Variants in APC observed in about 807,000 individuals in gnomAD.
APC encodes the protein APC regulator of Wnt signaling pathway, also known as adenomatous polyposis coli protein.
Under a neutral mutation model 247.0 loss-of-function variants are expected in APC, and 72 were observed. The observed-to-expected ratio is 0.29, with a 90% CI of 0.24 to 0.35. The LOEUF is 0.35. Ranked by LOEUF, APC falls within the 10% of genes least tolerant of loss-of-function variation. APC has a pLI of 1.00. For synonymous variants in APC, 1,254 were observed against 1,162.5 expected, an observed-to-expected ratio of 1.08 and a Z score of -1.60; for missense variants, 3,400 against 3,360.7, an observed-to-expected ratio of 1.01 and a Z score of -0.29.
At chr5:112,829,108 CT>C in intron 14 of APC, 136 bp downstream of exon 14, 5 of 665,054 alleles carry the variant, frequency 7.5e-6, no homozygotes, top group East Asian at 2.9e-5. Context: ...TCATGTTTAG[CT>C]TTTTTTGCTG....
At chr5:112,809,912 G>C (rs566490525) in intron 8 of APC, among the ~76,000 whole-genome samples, 18 of 152,028 alleles carry the variant, frequency 1.2e-4, no homozygotes, top group Non-Finnish European at 2.4e-4. Context: ...CAGGAGAATC[G>C]CTTGAACCCA....
intron 1 of APC, chr5:112,738,522 G>A: frequency 6.1e-6 from 6 of 983,920 alleles, no homozygotes; most frequent in Non-Finnish European, 7.2e-6. Context: ...TAGTGTGCCT[G>A]CTTTTGTAAA....
chr5:112,770,188 A>G (rs570229559), intron 4 of APC, among the ~76,000 whole-genome samples: 1 of 152,338 alleles, frequency 6.6e-6, no homozygotes, highest in African/African-American at 2.4e-5. Flanking sequence ...GTAAGTGGTA[A>G]GGAATACTTG....
At chr5:112,776,285 G>A (rs1427547925) in intron 5 of APC, among the ~76,000 whole-genome samples, 1 of 152,152 alleles carries the variant, frequency 6.6e-6, no homozygotes, top group East Asian at 1.9e-4. Flanking sequence ...ACTACAAAGG[G>A]TTATTTTTCT....
At chr5:112,712,621 T>A (rs1057343967) in intron 1 of APC, among the ~76,000 whole-genome samples, 4 of 151,474 alleles carry the variant, frequency 2.6e-5, no homozygotes, top group Non-Finnish European at 1.5e-5. Context: ...GTCAAACTCC[T>A]GGGCTCAAGT....
rs1580634693 is a variant in APC, at chr5:112,838,967, G to T, written c.3373G>T (p.Val1125Leu). ...TTCTAATCATGGAATTAATCAAAAT[G>T]TAAGCCAGTCTTTGTGTCAAGAAGA... ...VGSNHGINQN[V>L]SQSLCQEDDY... Residue 1125 changes from valine (V) to leucine (L), a missense_variant, in exon 16 of 16, where the codon GTA becomes TTA. Transcript: ENST00000257430. 1 of 1,613,976 alleles carries T rather than the reference G, an allele frequency of 6.2e-7. No homozygotes were observed. Among genetic ancestry groups the T allele is most frequent in the Non-Finnish European group, 8.5e-7 (1 of 1,180,026 alleles).
chr5:112,748,837 G>A (rs1490596283), intron 1 of APC, among the ~76,000 whole-genome samples: 2 of 151,992 alleles, frequency 1.3e-5, no homozygotes, highest in African/African-American at 4.8e-5. Context: ...AAAAGAATGA[G>A]GTTTACAAAA....
chr5:112,719,694 C>T (rs1221225392), intron 1 of APC, among the ~76,000 whole-genome samples: 1 of 151,836 alleles, frequency 6.6e-6, no homozygotes, highest in Non-Finnish European at 1.5e-5. Flanking sequence ...ACCATCACAC[C>T]CGGCTAATTT....
intron 2 of APC, 74 bp downstream of exon 2, chr5:112,755,099 G>C (rs1754812876): frequency 6.3e-7 from 1 of 1,594,536 alleles, no homozygotes; most frequent in Non-Finnish European, 8.6e-7. Flanking sequence ...CTTGAGGTAA[G>C]ACACTTTACT....
At chr5:112,745,113 G>T (rs1004214829) in intron 1 of APC, among the ~76,000 whole-genome samples, 2 of 120,710 alleles carry the variant, frequency 1.7e-5, no homozygotes, top group African/African-American at 5.7e-5. Context: ...GCATATATAG[G>T]ATTTAAATAA....
At chr5:112,764,285 C>T (rs570117048) in intron 2 of APC, among the ~76,000 whole-genome samples, 68 of 150,936 alleles carry the variant, frequency 4.5e-4, no homozygotes, top group African/African-American at 1.6e-3. Flanking sequence ...ACAGCTGTGC[C>T]TTAAAAAGGC....
In APC at chr5:112,846,128, C is replaced by T. The variant is rs1167424179; in HGVS notation, c.*2002C>T. The T allele has an allele frequency of 4.3e-6, 1 of 232,200 alleles. No individual in the cohort carries two copies. The highest frequency in any genetic ancestry group is 8.5e-6 in the Non-Finnish European group (1 of 117,492). The allele number at this position is 232,200 out of a possible 1,614,324, so 14.4% of individuals were successfully genotyped here. A position where few individuals can be genotyped will look rare whatever the true frequency, so the allele number is the denominator to read the frequency against. ...CTTTGTAAACACTTCAATTTACTAT[C>T]TTTGAAATGATTGACCTTTAAATTT... On this transcript the variant is annotated 3_prime_UTR_variant, in exon 16 of 16. Transcript: ENST00000257430.
At chr5:112,714,545 C>T (rs536994060) in intron 1 of APC, among the ~76,000 whole-genome samples, 1 of 152,214 alleles carries the variant, frequency 6.6e-6, no homozygotes, top group South Asian at 2.1e-4. Context: ...TCATTCTGCT[C>T]CATTATTCCC....
intron 6 of APC, among the ~76,000 whole-genome samples, chr5:112,787,488 C>T (rs1759102722): frequency 6.6e-6 from 1 of 152,114 alleles, no homozygotes; most frequent in Non-Finnish European, 1.5e-5. Flanking sequence ...CAGAATTTAT[C>T]ATTAACAATC....
At position 112,740,611 on chromosome 5, in the gene APC, A is replaced by T. The variant is rs769996893; in HGVS notation, c.-19+2686A>T. On this transcript the variant is annotated intron_variant, in intron 1 of 15. Coordinates refer to ENST00000257430, the MANE Select transcript of APC (RefSeq NM_000038.6). ...GCAAACATGGCTCACTTGCAGCTTC[A>T]ACCTCGCAGGCTCAAGTGATGCTCC... is the stretch of plus-strand genomic sequence containing the variant. Among the ~76,000 whole-genome samples, 105 of 147,104 alleles carry T rather than the reference A, an allele frequency of 7.1e-4. 2 individuals are homozygous for T. Among genetic ancestry groups the T allele is most frequent in the Non-Finnish European group, 1.5e-3 (102 of 67,308 alleles).
chr5:112,818,858 G>GTTTTGTTT, intron 9 of APC, 108 bp from the exon 10 acceptor site: 2 of 995,218 alleles, frequency 2.0e-6, no homozygotes, highest in South Asian at 1.6e-5. Context: ...GGGGGGGGTT[G>GTTTTGTTT]TTTTGTTTTT....
intron 5 of APC, among the ~76,000 whole-genome samples, chr5:112,779,444 A>G (rs1758082916): frequency 1.3e-5 from 2 of 152,194 alleles, no homozygotes; most frequent in South Asian, 2.1e-4. Flanking sequence ...AGTAGATCAC[A>G]TTTATTTAAT....
At position 112,839,322 on chromosome 5, in the gene APC, C is replaced by T; in HGVS notation, c.3728C>T (p.Pro1243Leu). The T allele has an allele frequency of 6.2e-7, 1 of 1,613,368 alleles. No individual in the cohort carries two copies. Among genetic ancestry groups the T allele is most frequent in the Non-Finnish European group, 8.5e-7 (1 of 1,179,670 alleles). ...TCTGCACAGAGTAGAAGTGGTCAGC[C>T]TCAAAAGGCTGCCACTTGCAAAGTT... ...PSSAQSRSGQ[P>L]QKAATCKVSS... The change falls in exon 16 of 16, where the codon CCT (proline) becomes CTT (leucine). Residue 1243 changes from proline to leucine, a missense_variant. Coordinates refer to ENST00000257430, the MANE Select transcript of APC (RefSeq NM_000038.6). This position sits in a 1 kb window ranked among gnomAD's most constrained non-coding sequence, Gnocchi z 5.0.
chr5:112,765,144 C>G (rs1756133307), intron 2 of APC, among the ~76,000 whole-genome samples: 1 of 152,060 alleles, frequency 6.6e-6, no homozygotes, highest in African/African-American at 2.4e-5. Context: ...TCACTCTGTC[C>G]CCCAGGCTGG....
Sources: gnomAD v4.1 joint callset for allele counts (sites outside exome capture counted in the v4.1 genomes callset) on GRCh38, gnomAD v4.1.1 for gene constraint, Gnocchi (gnomAD v3.1) non-coding constraint, MANE v1.5 for transcripts, NCBI Gene and HGNC (gene_info 2026-07-23, HGNC 2026-07-21) for gene names.